The following IFT43 variants were observed in gnomAD, a reference collection of about 807,000 sequenced individuals.
IFT43 encodes the protein intraflagellar transport protein 43 homolog.
In IFT43, 33 loss-of-function variants were observed where a neutral mutation model predicts 32.3. That is an observed-to-expected ratio of 1.02 (90% CI 0.77 to 1.37). The LOEUF (loss-of-function observed/expected upper bound fraction) is 1.37, where lower values mean the gene tolerates loss of function less well. Ranked by LOEUF, IFT43 falls within the 40% of genes most tolerant of loss-of-function variation. The pLI, the probability that IFT43 is intolerant of heterozygous loss-of-function variation, is 0.00. For synonymous variants in IFT43, 93 were observed against 98.2 expected (o/e 0.95, Z 0.31); for missense variants, 274 against 265.9 (o/e 1.03, Z -0.21).
intron 5 of IFT43, among the ~76,000 whole-genome samples, chr14:76,068,497 G>A (rs1197159663): frequency 2.0e-5 from 3 of 152,208 alleles, no homozygotes; most frequent in Non-Finnish European, 2.9e-5. Flanking sequence ...ATGCTTCAGG[G>A]AAGTGGGGAT....
intron 3 of IFT43, among the ~76,000 whole-genome samples, chr14:76,047,207 C>G (rs942267135): frequency 6.6e-6 from 1 of 152,162 alleles, no homozygotes; most frequent in South Asian, 2.1e-4. Flanking sequence ...AATCTGGAGC[C>G]CATACTCAGA....
At chr14:75,987,036 A>G (rs942202286) in intron 1 of IFT43, among the ~76,000 whole-genome samples, 9 of 152,246 alleles carry the variant, frequency 5.9e-5, no homozygotes, top group Non-Finnish European at 8.8e-5. Context: ...TACATTTAAC[A>G]TACACAAAAA....
intron 2 of IFT43, among the ~76,000 whole-genome samples, chr14:76,004,485 A>G (rs552571645): frequency 1.6e-4 from 25 of 152,176 alleles, no homozygotes; most frequent in Non-Finnish European, 3.5e-4. Flanking sequence ...CACTTTGACT[A>G]TGATGTGACT....
chr14:76,003,902 A>C (rs771284653), intron 2 of IFT43, among the ~76,000 whole-genome samples: 10 of 151,580 alleles, frequency 6.6e-5, no homozygotes, highest in Non-Finnish European at 1.2e-4. Context: ...TCAGCCTCCC[A>C]AGTAGCAGGG....
intron 2 of IFT43, among the ~76,000 whole-genome samples, chr14:76,007,960 C>T (rs916076698): frequency 6.6e-5 from 10 of 152,116 alleles, no homozygotes; most frequent in South Asian, 4.1e-4. Flanking sequence ...TCTTTGGATC[C>T]GCCTCTTCAA....
At chr14:76,059,500 C>A in intron 5 of IFT43, 127 bp downstream of exon 5, 1 of 857,228 alleles carries the variant, frequency 1.2e-6, no homozygotes, top group South Asian at 1.4e-5. Flanking sequence ...CTGACGCATG[C>A]TGATGCACAT....
At chr14:76,037,447 G>A (rs991628374) in intron 3 of IFT43, among the ~76,000 whole-genome samples, 1 of 152,194 alleles carries the variant, frequency 6.6e-6, no homozygotes, top group African/African-American at 2.4e-5. Context: ...GTTGTCAAGT[G>A]ATGACTGTCT....
At chr14:76,020,124 G>A (rs555857967) in intron 2 of IFT43, among the ~76,000 whole-genome samples, 23 of 152,040 alleles carry the variant, frequency 1.5e-4, no homozygotes, top group African/African-American at 4.3e-4. Flanking sequence ...ACAGGCATGC[G>A]CCACCACGCC....
intron 2 of IFT43, among the ~76,000 whole-genome samples, chr14:75,996,289 G>A (rs1490509821): frequency 6.6e-6 from 1 of 152,172 alleles, no homozygotes; most frequent in African/African-American, 2.4e-5. Flanking sequence ...CAGTTGCTAG[G>A]TGTGTATCCC....
At chr14:76,003,655 A>G (rs1327722507) in intron 2 of IFT43, among the ~76,000 whole-genome samples, 2 of 151,968 alleles carry the variant, frequency 1.3e-5, no homozygotes, top group Admixed American at 1.3e-4. Flanking sequence ...ATGCCACTTC[A>G]TATAAAATGT....
chr14:76,066,900 G>A (rs973021591), intron 5 of IFT43, among the ~76,000 whole-genome samples: 1 of 152,220 alleles, frequency 6.6e-6, no homozygotes. Flanking sequence ...TCCACCACCA[G>A]CCTTGGAGAT....
At chr14:76,060,951 A>G (rs576290738) in intron 5 of IFT43, among the ~76,000 whole-genome samples, 174 of 150,016 alleles carry the variant, frequency 1.2e-3, no homozygotes, top group African/African-American at 4.0e-3. Context: ...TCCAGGCTGG[A>G]GTGCAGTGCC....
intron 2 of IFT43, among the ~76,000 whole-genome samples, chr14:76,016,329 T>A (rs191164465): frequency 2.0e-5 from 3 of 152,330 alleles, no homozygotes; most frequent in Admixed American, 2.0e-4. Context: ...TTCCCTAATA[T>A]GTTGTAGGTG....
chr14:76,021,165 G>T (rs988313531), intron 2 of IFT43, among the ~76,000 whole-genome samples: 1 of 151,900 alleles, frequency 6.6e-6, no homozygotes, highest in African/African-American at 2.4e-5. Flanking sequence ...CCTATCCTCA[G>T]GCCCCTAGAT....
At chr14:76,064,508 T>C (rs913023105) in intron 5 of IFT43, among the ~76,000 whole-genome samples, 1 of 152,206 alleles carries the variant, frequency 6.6e-6, no homozygotes, top group South Asian at 2.1e-4. Flanking sequence ...GAAATTGTAA[T>C]GCTAGAGCAA....
chr14:76,022,906 T>TA (rs1399024388), intron 3 of IFT43, among the ~76,000 whole-genome samples: 1 of 152,236 alleles, frequency 6.6e-6, no homozygotes, highest in Non-Finnish European at 1.5e-5. Context: ...TCCCCTGACA[T>TA]ATATCAGTCA....
intron 3 of IFT43, among the ~76,000 whole-genome samples, chr14:76,046,904 A>C (rs28605636): frequency 0.32 from 49,028 of 151,984 alleles, 7,952 homozygotes; most frequent in Admixed American, 0.34. Flanking sequence ...ATGGAAATGT[A>C]TGTCTCACAG....
chr14:76,080,501 A>G (rs1202964914), intron 5 of IFT43, among the ~76,000 whole-genome samples: 1 of 152,142 alleles, frequency 6.6e-6, no homozygotes, highest in Non-Finnish European at 1.5e-5. Context: ...TTGTGGAGGG[A>G]AAGGGGAGTT....
At chr14:76,000,231 T>A (rs1309996368) in intron 2 of IFT43, among the ~76,000 whole-genome samples, 1 of 152,044 alleles carries the variant, frequency 6.6e-6, no homozygotes, top group African/African-American at 2.4e-5. Flanking sequence ...TTTATATTTT[T>A]CTTAGTATAC....
Sources: allele counts gnomAD v4.1 joint callset (sites outside exome capture counted in the v4.1 genomes callset), GRCh38; gene constraint gnomAD v4.1.1; transcripts MANE v1.5; gene names NCBI Gene and HGNC (gene_info 2026-07-23, HGNC 2026-07-21).